DIPK2A: variants seen among roughly 807,000 people sequenced by gnomAD.
DIPK2A encodes the protein Golgi Protein of 49 kDa.
Under a neutral mutation model 39.0 loss-of-function variants are expected in DIPK2A, and 27 were observed. That is an observed-to-expected ratio of 0.69 (90% CI 0.51 to 0.96). The LOEUF is 0.96. DIPK2A is among the 40% of genes least tolerant of loss of function. DIPK2A has a pLI of 0.00. For synonymous variants in DIPK2A, 298 were observed against 240.8 expected (o/e 1.24, Z -2.20); for missense variants, 528 against 571.3 (o/e 0.92, Z 0.77).
intron 2 of DIPK2A, among the ~76,000 whole-genome samples, chr3:143,987,498 T>C (rs2087920397): frequency 6.6e-6 from 1 of 152,246 alleles, no homozygotes; most frequent in South Asian, 2.1e-4. Context: ...CTCTGTCTGT[T>C]CATTTACTCT....
chr3:143,983,188 A>G (rs2087849479), intron 1 of DIPK2A, among the ~76,000 whole-genome samples: 1 of 152,214 alleles, frequency 6.6e-6, no homozygotes, highest in African/African-American at 2.4e-5. Context: ...TAGCAAAGAT[A>G]TTCAGGACTT....
intron 1 of DIPK2A, chr3:143,978,604 A>ATCTATCTATCTATC (rs368704003): frequency 2.8e-5 from 1 of 35,590 alleles, no homozygotes; most frequent in African/African-American, 4.8e-4. Flanking sequence ...CTATCTATCT[A>ATCTATCTATCTATC]TATATATATA....
intron 1 of DIPK2A, among the ~76,000 whole-genome samples, chr3:143,981,623 T>TA (rs1461103169): frequency 6.6e-6 from 1 of 152,174 alleles, no homozygotes; most frequent in Admixed American, 6.5e-5. Flanking sequence ...TATAAACCGT[T>TA]ACCTTTATAA....
chr3:143,985,622 GAGA>G lies in DIPK2A; in HGVS notation c.742_744del (p.Glu248del). On this transcript the variant is annotated inframe_deletion, in exon 2 of 3. Coordinates refer to ENST00000315691, the MANE Select transcript of DIPK2A (RefSeq NM_173552.5). Reference sequence around the variant, plus strand: ...AGAATGGTGGCTGTAAATTATGTTGGAGAAGAACTGTGGAGTTACTTTAATGCG... The same window carrying G: ...AGAATGGTGGCTGTAAATTATGTTGGAGAACTGTGGAGTTACTTTAATGCG... The G allele has an allele frequency of 6.2e-7, 1 of 1,614,134 alleles. No homozygotes were observed. The highest frequency in any genetic ancestry group is 8.5e-7 in the Non-Finnish European group (1 of 1,180,000).
rs776910443 is a variant in DIPK2A, at chr3:143,989,976, A to G, written c.*135A>G. On this transcript the variant is annotated 3_prime_UTR_variant, in exon 3 of 3. Transcript: ENST00000315691. ...GATAAACTTGCACTGATAGATCTTAATGTTAACATCCATCAAAATAAGACA... is the reference window on the plus strand; with the variant it reads ...GATAAACTTGCACTGATAGATCTTAGTGTTAACATCCATCAAAATAAGACA... The G allele has an allele frequency of 4.5e-5, 29 of 641,522 alleles. No homozygotes were observed. Among genetic ancestry groups the G allele is most frequent in the Non-Finnish European group, 7.3e-5 (27 of 372,212 alleles). 39.7% of individuals were successfully genotyped at this position (641,522 alleles called of 1,614,324 possible).
chr3:143,982,948 A>G (rs2087846383), intron 1 of DIPK2A, among the ~76,000 whole-genome samples: 1 of 152,236 alleles, frequency 6.6e-6, no homozygotes, highest in Admixed American at 6.5e-5. Context: ...AGTCTCTGAT[A>G]AAACAGACTT....
intron 1 of DIPK2A, among the ~76,000 whole-genome samples, chr3:143,976,096 T>G (rs543494215): frequency 1.3e-5 from 2 of 152,248 alleles, no homozygotes; most frequent in East Asian, 3.9e-4. Flanking sequence ...ATACCTTATC[T>G]ATGTAAGGCT....
chr3:143,980,933 A>G (rs2087819942), intron 1 of DIPK2A, among the ~76,000 whole-genome samples: 1 of 152,178 alleles, frequency 6.6e-6, no homozygotes, highest in Admixed American at 6.5e-5. Context: ...ATTTTTGGTC[A>G]TGTAGGAGAA....
At position 143,972,249 on chromosome 3, in the gene DIPK2A, TC is replaced by T. The variant is rs2087660378; in HGVS notation, c.-82del. On this transcript the variant is annotated 5_prime_UTR_variant, in exon 1 of 3. Coordinates refer to ENST00000315691, the MANE Select transcript of DIPK2A (RefSeq NM_173552.5). ...GCTAGCTCCTTCTCTCGCCCGGGGT[TC>T]CTGCCGGTAGCTCTCCGGGTCTTGG... 8.0e-7 allele frequency: 1 copy of T among 1,251,670 alleles called. No individual in the cohort carries two copies. The highest frequency in any genetic ancestry group is 1.6e-5 in the African/African-American group (1 of 63,100). The allele number at this position is 1,251,670 out of a possible 1,614,324, so 77.5% of individuals were successfully genotyped here. A position where few individuals can be genotyped will look rare whatever the true frequency, so the allele number is the denominator to read the frequency against.
At chr3:143,987,423 C>T (rs1038681236) in intron 2 of DIPK2A, among the ~76,000 whole-genome samples, 1 of 152,182 alleles carries the variant, frequency 6.6e-6, no homozygotes, top group Non-Finnish European at 1.5e-5. Context: ...TCTAGTGCTG[C>T]TTTAACTGTG....
At chr3:143,978,044 T>C (rs2107840903) in intron 1 of DIPK2A, among the ~76,000 whole-genome samples, 1 of 152,224 alleles carries the variant, frequency 6.6e-6, no homozygotes, top group African/African-American at 2.4e-5. Context: ...GGTTAGCACA[T>C]ATTCTCACAC....
chr3:143,979,339 T>C (rs1414011839), intron 1 of DIPK2A, among the ~76,000 whole-genome samples: 1 of 152,160 alleles, frequency 6.6e-6, no homozygotes, highest in African/African-American at 2.4e-5. Flanking sequence ...AGGCAAATAG[T>C]TTCTTTTTTT....
chr3:143,978,931 GGGGTT>G (rs1170934345), intron 1 of DIPK2A, among the ~76,000 whole-genome samples: 1 of 151,712 alleles, frequency 6.6e-6, no homozygotes, highest in Non-Finnish European at 1.5e-5. Context: ...TCAGTAAAAT[GGGGTT>G]GTTAATACTT....
rs371349121 is a variant in DIPK2A, at chr3:143,985,650, G to C, written c.765G>C (p.Ala255=). 6.2e-7 allele frequency: 1 copy of C among 1,614,028 alleles called. No individual in the cohort carries two copies. The highest frequency in any genetic ancestry group is 8.5e-7 in the Non-Finnish European group (1 of 1,179,916). The change falls in exon 2 of 3, where the codon GCG becomes GCC. Residue 255 remains alanine (A), a synonymous_variant. Coordinates refer to ENST00000315691, the MANE Select transcript of DIPK2A (RefSeq NM_173552.5). The part of the protein sequence containing the change: ...VGEELWSYFN[A]PWEKRVDLAW... ...AAGAACTGTGGAGTTACTTTAATGC[G>C]CCATGGGAAAAACGAGTTGACCTCG...
At position 143,990,047 on chromosome 3, in the gene DIPK2A, A is replaced by G. The variant is rs2087959128; in HGVS notation, c.*206A>G. 3 of 554,882 alleles carry G rather than the reference A, an allele frequency of 5.4e-6. No homozygotes were observed. Among genetic ancestry groups the G allele is most frequent in the Non-Finnish European group, 9.6e-6 (3 of 313,434 alleles). The allele number at this position is 554,882 out of a possible 1,614,324, so 34.4% of individuals were successfully genotyped here. On this transcript the variant is annotated 3_prime_UTR_variant, in exon 3 of 3. Coordinates refer to ENST00000315691, the MANE Select transcript of DIPK2A (RefSeq NM_173552.5). ...TGCTTCTGCAAATAAGTATGTTCTTATACTTTGGAGGCTTGAGCTGTCATC... is the reference window on the plus strand; with the variant it reads ...TGCTTCTGCAAATAAGTATGTTCTTGTACTTTGGAGGCTTGAGCTGTCATC...
chr3:143,980,502 G>C (rs1292134675), intron 1 of DIPK2A, among the ~76,000 whole-genome samples: 1 of 152,010 alleles, frequency 6.6e-6, no homozygotes, highest in Non-Finnish European at 1.5e-5. Flanking sequence ...CCTGACCTTA[G>C]GTGATCTGCC....
At chr3:143,984,730 A>G (rs1463118500) in intron 1 of DIPK2A, among the ~76,000 whole-genome samples, 1 of 152,080 alleles carries the variant, frequency 6.6e-6, no homozygotes, top group East Asian at 1.9e-4. Flanking sequence ...TAGTTTTAAA[A>G]TCCATTAGAA....
intron 2 of DIPK2A, among the ~76,000 whole-genome samples, chr3:143,988,639 C>T (rs1485535635): frequency 2.0e-5 from 3 of 152,072 alleles, no homozygotes; most frequent in Non-Finnish European, 4.4e-5. Flanking sequence ...GCCTAATATC[C>T]CTCTTACCTC....
In DIPK2A at chr3:143,990,879, T is replaced by G. The variant is rs2087975583; in HGVS notation, c.*1038T>G. On this transcript the variant is annotated 3_prime_UTR_variant, in exon 3 of 3. Coordinates refer to ENST00000315691, the MANE Select transcript of DIPK2A (RefSeq NM_173552.5). ...TCCTGATTATTTTTTCTGTTGAAAG[T>G]TAAACTACTGCTTTCAAGTAATTTA... 1 of 152,626 alleles carries G rather than the reference T, an allele frequency of 6.6e-6. No homozygotes were observed. Among genetic ancestry groups the G allele is most frequent in the East Asian group, 1.9e-4 (1 of 5,198 alleles). The allele number at this position is 152,626 out of a possible 1,614,324, so 9.5% of individuals were successfully genotyped here.
Sources: gnomAD v4.1 joint callset for allele counts (sites outside exome capture counted in the v4.1 genomes callset) on GRCh38, gnomAD v4.1.1 for gene constraint, MANE v1.5 for transcripts, NCBI Gene and HGNC (gene_info 2026-07-23, HGNC 2026-07-21) for gene names.